Variants in SPATA22 observed in about 807,000 individuals in gnomAD.
SPATA22 encodes the protein spermatogenesis-associated protein 22.
A neutral mutation model predicts 47.8 loss-of-function variants in SPATA22; 29 were observed. The ratio of observed to expected loss-of-function variants is 0.61; its 90% confidence interval spans 0.45 to 0.83. The LOEUF (loss-of-function observed/expected upper bound fraction) is 0.83. SPATA22 is among the 40% of genes least tolerant of loss of function. The pLI is 0.00. For missense variants in SPATA22, 410 were observed against 421.7 expected, an observed-to-expected ratio of 0.97 and a Z score of 0.24; for synonymous variants, 133 against 140.9, an observed-to-expected ratio of 0.94 and a Z score of 0.40.
chr17:3,511,101 T>A (rs1298462877), intron 1 of SPATA22: 2 of 152,230 alleles, frequency 1.3e-5, no homozygotes, highest in Admixed American at 6.5e-5. Flanking sequence ...TACTGAAATG[T>A]CAATCACGGA....
In SPATA22 at chr17:3,465,189, G is replaced by A. The variant is rs539761343; in HGVS notation, c.172+2237C>T. 1.8e-3 allele frequency among the ~76,000 whole-genome samples: 244 copies of A among 137,362 alleles called. 11 individuals are homozygous for A. Among genetic ancestry groups the A allele is most frequent in the Non-Finnish European group, 2.8e-3 (172 of 61,698 alleles). 90.1% of individuals were successfully genotyped at this position (137,362 alleles called of 152,430 possible). On this transcript the variant is annotated intron_variant, in intron 3 of 8. Coordinates refer to ENST00000572969, the MANE Select transcript of SPATA22 (RefSeq NM_001170698.2). The stretch of plus-strand genomic sequence containing the variant: ...AGCCCCCCGCCCGGCCAGCCGCCTC[G>A]TCCAGGAGGTGAGGGGCGCCTCTGC...
At chr17:3,471,064 A>G (rs886191914) in intron 1 of SPATA22, among the ~76,000 whole-genome samples, 1 of 151,790 alleles carries the variant, frequency 6.6e-6, no homozygotes, top group African/African-American at 2.4e-5. Flanking sequence ...CTGAGACAGG[A>G]GAATCACTTG....
intron 1 of SPATA22, 103 bp from the exon 2 acceptor site, chr17:3,469,501 A>T: frequency 1.8e-6 from 1 of 559,040 alleles, no homozygotes; most frequent in South Asian, 2.8e-5. Flanking sequence ...TTCAAACCTG[A>T]TCACGTAAAC....
At chr17:3,445,075 G>A (rs1471276364) in intron 7 of SPATA22, among the ~76,000 whole-genome samples, 2 of 152,048 alleles carry the variant, frequency 1.3e-5, no homozygotes, top group Non-Finnish European at 2.9e-5. Flanking sequence ...CCTTTTAATA[G>A]GCTCAGGTTA....
rs757344785 is a variant in SPATA22 at position 3,498,843 on chromosome 17, A to C, written c.-74+14569T>G. 4 of 1,424,934 alleles carry C rather than the reference A, an allele frequency of 2.8e-6. No homozygotes were observed. The South Asian group carries it at 6.5e-5, about 23-fold the overall frequency. The allele number at this position is 1,424,934 out of a possible 1,614,324, so 88.3% of individuals were successfully genotyped here. ...TCTAGAGTCTGACATAAATTTTTAG[A>C]GGAGAAAAACCAAATATAATATATT... On this transcript the variant is annotated intron_variant, in intron 1 of 8. Transcript: ENST00000541913.
At chr17:3,496,990 C>G (rs773682854) in intron 1 of SPATA22, among the ~76,000 whole-genome samples, 1 of 152,148 alleles carries the variant, frequency 6.6e-6, no homozygotes, top group African/African-American at 2.4e-5. Flanking sequence ...TGCTTGAACT[C>G]GGGAGGTGAA....
chr17:3,467,713 T>G (rs2150732551), intron 2 of SPATA22, among the ~76,000 whole-genome samples, 159 bp from the exon 3 acceptor site: 1 of 152,372 alleles, frequency 6.6e-6, no homozygotes, highest in African/African-American at 2.4e-5. Flanking sequence ...TACATTCTTT[T>G]TAAGATCCTG....
At position 3,462,519 on chromosome 17, in the gene SPATA22, ATAGAGT is replaced by A; in HGVS notation, c.287_292del (p.Asn96_Ser97del). The A allele has an allele frequency of 6.2e-7, 1 of 1,611,706 alleles. No individual in the cohort carries two copies. The highest frequency in any genetic ancestry group is 8.5e-7 in the Non-Finnish European group (1 of 1,179,340). On this transcript the variant is annotated inframe_deletion, in exon 5 of 9. Coordinates refer to ENST00000572969, the MANE Select transcript of SPATA22 (RefSeq NM_001170698.2). ...CTGGCTTCTTCCAGTATTTGATTGA[ATAGAGT>A]TAAAGACAGAATCTTGACTTCTCAG...
chr17:3,508,196 T>G (rs1008821016), intron 1 of SPATA22, among the ~76,000 whole-genome samples: 1 of 151,924 alleles, frequency 6.6e-6, no homozygotes, highest in South Asian at 2.1e-4. Context: ...AAAACCACAA[T>G]GAGATACCAT....
upstream of SPATA22, among the ~76,000 whole-genome samples, chr17:3,473,230 G>A (rs375282713): frequency 6.6e-6 from 1 of 151,872 alleles, no homozygotes; most frequent in Non-Finnish European, 1.5e-5. Context: ...GTCTTTTTCT[G>A]CTTATTTATT....
At chr17:3,492,806 A>G (rs73977747) in intron 1 of SPATA22, among the ~76,000 whole-genome samples, 3,533 of 152,290 alleles carry the variant, frequency 0.023, 131 homozygotes, top group African/African-American at 0.079. Flanking sequence ...TCCAGCCTCC[A>G]GGTGAGCTGT....
intron 7 of SPATA22, among the ~76,000 whole-genome samples, chr17:3,444,554 T>C (rs1177435089): frequency 6.6e-6 from 1 of 152,034 alleles, no homozygotes; most frequent in African/African-American, 2.4e-5. Flanking sequence ...GGAGAGACTA[T>C]AGTGTGGAGC....
At chr17:3,471,994 A>G, upstream of SPATA22, 2 of 398,898 alleles carry the variant, frequency 5.0e-6, no homozygotes, top group Non-Finnish European at 6.8e-6. Flanking sequence ...AGTTTTGCCC[A>G]GAGAGGAAAG....
intron 1 of SPATA22, chr17:3,481,723 C>G: frequency 1.2e-6 from 2 of 1,613,754 alleles, no homozygotes; most frequent in Non-Finnish European, 8.5e-7. Flanking sequence ...ACAACACCAC[C>G]TCTAACATGG....
At chr17:3,482,246 T>A (rs2073643635) in intron 1 of SPATA22, among the ~76,000 whole-genome samples, 1 of 152,218 alleles carries the variant, frequency 6.6e-6, no homozygotes, top group South Asian at 2.1e-4. Flanking sequence ...GAAATAGTCC[T>A]TTAACGTAGA....
At chr17:3,495,611 C>G (rs2073896052) in intron 1 of SPATA22, among the ~76,000 whole-genome samples, 1 of 152,180 alleles carries the variant, frequency 6.6e-6, no homozygotes, top group Non-Finnish European at 1.5e-5. Flanking sequence ...CTCTGTCGCC[C>G]AGGCTGGAGT....
At chr17:3,492,175 C>A (rs927709211) in intron 1 of SPATA22, among the ~76,000 whole-genome samples, 1 of 152,038 alleles carries the variant, frequency 6.6e-6, no homozygotes, top group Non-Finnish European at 1.5e-5. Flanking sequence ...TTGCGCCTGG[C>A]GAGACAGAAA....
rs1202900882 is a variant in SPATA22, at chr17:3,464,928, T to C, written c.173-2161A>G. Among the ~76,000 whole-genome samples the C allele has an allele frequency of 4.3e-5, 4 of 92,158 alleles. No homozygotes were observed. In the East Asian group the frequency reaches 7.3e-4, roughly 17 times the overall value. 60.5% of individuals were successfully genotyped at this position (92,158 alleles called of 152,430 possible). On this transcript the variant is annotated intron_variant, in intron 3 of 8. Transcript: ENST00000572969. ...CCCCCACCCGGCCAGCCGCCCGGTC[T>C]GGGAGGTGAGGGGCGCCTCTGCCCA... is the stretch of plus-strand genomic sequence containing the variant.
intron 5 of SPATA22, among the ~76,000 whole-genome samples, chr17:3,456,341 C>T (rs35694435): frequency 0.21 from 30,683 of 144,090 alleles, 3,499 homozygotes; most frequent in East Asian, 0.4. Flanking sequence ...CTCAAATAGA[C>T]GCAATAAAAA....
Sources: allele counts gnomAD v4.1 joint callset (sites outside exome capture counted in the v4.1 genomes callset), GRCh38; gene constraint gnomAD v4.1.1; transcripts MANE v1.5; gene names NCBI Gene and HGNC (gene_info 2026-07-23, HGNC 2026-07-21).